ZFPM2: variants seen among roughly 807,000 people sequenced by gnomAD.
The protein encoded by ZFPM2 is zinc finger protein ZFPM2.
ZFPM2 carries 20 observed loss-of-function variants against 98.6 expected under a neutral mutation model. That is an observed-to-expected ratio of 0.20 (90% CI 0.14 to 0.29). The LOEUF is 0.29. ZFPM2 is among the 10% of genes least tolerant of loss of function. ZFPM2 has a pLI of 1.00. For synonymous variants in ZFPM2, 518 were observed against 502.7 expected (o/e 1.03, Z -0.41); for missense variants, 1,310 against 1,388.6 (o/e 0.94, Z 0.90).
chr8:105,718,940 T>C (rs1199790599), intron 5 of ZFPM2, among the ~76,000 whole-genome samples: 1 of 151,900 alleles, frequency 6.6e-6, no homozygotes, highest in Non-Finnish European at 1.5e-5. Flanking sequence ...TTAAAGATTA[T>C]CCACTTATTA....
intron 1 of ZFPM2, among the ~76,000 whole-genome samples, chr8:105,341,831 AAC>A (rs1197131559): frequency 3.3e-5 from 5 of 152,018 alleles, no homozygotes; most frequent in Admixed American, 2.0e-4. Flanking sequence ...ACCTGTGGTG[AAC>A]ACAAAGCATC....
intron 1 of ZFPM2, among the ~76,000 whole-genome samples, chr8:105,373,777 G>A (rs568632870): frequency 1.3e-5 from 2 of 152,156 alleles, no homozygotes; most frequent in South Asian, 4.1e-4. Flanking sequence ...TTAAACTCAA[G>A]GAAATGATAA....
intron 3 of ZFPM2, among the ~76,000 whole-genome samples, chr8:105,469,204 C>A (rs904140436): frequency 3.3e-5 from 5 of 152,142 alleles, no homozygotes; most frequent in African/African-American, 1.2e-4. Flanking sequence ...CAAGGTGAAT[C>A]TGCTTTAATG....
chr8:105,717,996 T>C (rs547469751), intron 5 of ZFPM2, among the ~76,000 whole-genome samples: 1 of 151,968 alleles, frequency 6.6e-6, no homozygotes, highest in African/African-American at 2.4e-5. Context: ...TTCTGGTCTT[T>C]AACAGTAAGA....
At chr8:105,539,056 A>G (rs1480432545) in intron 3 of ZFPM2, among the ~76,000 whole-genome samples, 1 of 151,990 alleles carries the variant, frequency 6.6e-6, no homozygotes, top group Non-Finnish European at 1.5e-5. Flanking sequence ...CCAGACAACA[A>G]CAAAACAAAA....
chr8:105,365,379 T>C (rs1810487118), intron 1 of ZFPM2, among the ~76,000 whole-genome samples: 1 of 152,130 alleles, frequency 6.6e-6, no homozygotes, highest in African/African-American at 2.4e-5. Context: ...ATAAAACTTC[T>C]TCCAGTGGAT....
Position 105,798,699 on chromosome 8 carries a change from G to GTGTC in ZFPM2, c.740-23_740-20dup, listed in dbSNP as rs769384818. 1.4e-5 allele frequency: 23 copies of GTGTC among 1,591,164 alleles called. No homozygotes were observed. In the East Asian group the frequency reaches 5.2e-4, roughly 36 times the overall value. ...TGGTTTCAAATGGACAGCAGCAAAT[G>GTGTC]TGTCTCTTGTGTTTTTACCTGCAGA... On this transcript the variant is annotated intron_variant, in intron 6 of 7. Transcript: ENST00000407775.
intron 1 of ZFPM2, among the ~76,000 whole-genome samples, chr8:105,321,214 T>C (rs534413385): frequency 1.9e-4 from 29 of 152,340 alleles, no homozygotes; most frequent in Admixed American, 5.9e-4. Flanking sequence ...TCCTTTTGCC[T>C]GTTCAGGCAT....
chr8:105,735,399 A>G (rs557355911), intron 5 of ZFPM2, among the ~76,000 whole-genome samples: 1 of 151,686 alleles, frequency 6.6e-6, no homozygotes, highest in East Asian at 1.9e-4. Context: ...TGTCTTTTTA[A>G]TTTTTTGAAA....
chr8:105,508,864 T>A (rs1437733662), intron 3 of ZFPM2, among the ~76,000 whole-genome samples: 36 of 131,124 alleles, frequency 2.7e-4, no homozygotes, highest in African/African-American at 5.0e-4. Context: ...AAAAAAAATT[T>A]TTTTTTTAAT....
At chr8:105,484,139 C>A (rs935503479) in intron 3 of ZFPM2, among the ~76,000 whole-genome samples, 3 of 151,976 alleles carry the variant, frequency 2.0e-5, no homozygotes, top group African/African-American at 7.2e-5. Context: ...TTGTGTTTGC[C>A]AAATATAATG....
intron 4 of ZFPM2, among the ~76,000 whole-genome samples, chr8:105,567,923 G>A (rs1242333453): frequency 6.6e-6 from 1 of 151,948 alleles, no homozygotes; most frequent in Non-Finnish European, 1.5e-5. Context: ...AGATTTCATT[G>A]ATGTTGACAT....
chr8:105,570,078 G>A (rs1415858120), intron 4 of ZFPM2, among the ~76,000 whole-genome samples: 1 of 152,034 alleles, frequency 6.6e-6, no homozygotes, highest in Non-Finnish European at 1.5e-5. Flanking sequence ...GGGAAACATT[G>A]GTGAAATTCA....
intron 5 of ZFPM2, among the ~76,000 whole-genome samples, chr8:105,761,519 T>G (rs1812734151): frequency 1.3e-5 from 2 of 152,008 alleles, no homozygotes; most frequent in Admixed American, 1.3e-4. Flanking sequence ...TATTTCTCTT[T>G]TTTTAAGTAC....
At chr8:105,742,567 C>T (rs1319129104) in intron 5 of ZFPM2, among the ~76,000 whole-genome samples, 1 of 151,706 alleles carries the variant, frequency 6.6e-6, no homozygotes, top group African/African-American at 2.4e-5. Flanking sequence ...AGTTCCTTGG[C>T]TGAGAAGAGG....
chr8:105,803,596 C>A lies in ZFPM2; in HGVS notation c.*58C>A, dbSNP rs1814115313. 3 of 1,500,230 alleles carry A rather than the reference C, an allele frequency of 2.0e-6. No individual in the cohort carries two copies. The highest frequency in any genetic ancestry group is 1.2e-5 in the South Asian group (1 of 80,798). The allele number at this position is 1,500,230 out of a possible 1,614,324, so 92.9% of individuals were successfully genotyped here. ...TGTTTAGTATGTTGTTCTAACCAGT[C>A]CAGAAAAAAAAATAAGCTGTTTGAA... is the stretch of plus-strand genomic sequence containing the variant. On this transcript the variant is annotated 3_prime_UTR_variant, in exon 8 of 8. Coordinates refer to ENST00000407775, the MANE Select transcript of ZFPM2 (RefSeq NM_012082.4).
chr8:105,459,057 A>C lies in ZFPM2; in HGVS notation c.301+14676A>C, dbSNP rs56991703. 5.9e-5 allele frequency among the ~76,000 whole-genome samples: 9 copies of C among 152,304 alleles called. No homozygotes were observed. In the East Asian group the frequency reaches 1.5e-3, roughly 26 times the overall value. On this transcript the variant is annotated intron_variant, in intron 3 of 7. Transcript: ENST00000407775. ...CAAACCATTTTCTTATTATTAAAGAAGTCACTTGAATGGCCCTTCTTTTTT... is the reference window on the plus strand; with the variant it reads ...CAAACCATTTTCTTATTATTAAAGACGTCACTTGAATGGCCCTTCTTTTTT...
intron 1 of ZFPM2, among the ~76,000 whole-genome samples, chr8:105,351,354 C>CCTGTGTGT (rs1554596832): frequency 5.5e-5 from 8 of 144,844 alleles, no homozygotes; most frequent in African/African-American, 2.1e-4. Flanking sequence ...TGCATTATTT[C>CCTGTGTGT]GTGTGTGTGT....
At chr8:105,384,097 A>G (rs1395910957) in intron 1 of ZFPM2, among the ~76,000 whole-genome samples, 3 of 152,088 alleles carry the variant, frequency 2.0e-5, no homozygotes, top group African/African-American at 7.2e-5. Context: ...GTGTTAGCTC[A>G]CTCACTGTAG....
Sources: allele counts gnomAD v4.1 joint callset (sites outside exome capture counted in the v4.1 genomes callset), GRCh38; gene constraint gnomAD v4.1.1; transcripts MANE v1.5; gene names NCBI Gene and HGNC (gene_info 2026-07-23, HGNC 2026-07-21).